Variants in SVEP1 observed in about 807,000 individuals in gnomAD.
SVEP1 encodes sushi, von Willebrand factor type A, EGF and pentraxin domain containing 1, also known as sushi, von Willebrand factor type A, EGF and pentraxin domain-containing protein 1.
Under a neutral mutation model 367.3 loss-of-function variants are expected in SVEP1, and 164 were observed. That is an observed-to-expected ratio of 0.45 (90% CI 0.39 to 0.51). The LOEUF is 0.51. SVEP1 is among the 20% of genes least tolerant of loss of function. The pLI is 0.00. For missense variants in SVEP1, 4,117 were observed against 4,425.3 expected (o/e 0.93, Z 1.98); for synonymous variants, 1,666 against 1,611.6 (o/e 1.03, Z -0.81).
At chr9:110,377,481 G>A in intron 44 of SVEP1, 115 bp from the exon 45 acceptor site, 3 of 913,256 alleles carry the variant, frequency 3.3e-6, no homozygotes, top group Middle Eastern at 2.3e-4. Flanking sequence ...CTTTCAGGAA[G>A]AGAGACAAAA....
At chr9:110,541,395 G>C (rs1371088255) in intron 3 of SVEP1, among the ~76,000 whole-genome samples, 2 of 152,020 alleles carry the variant, frequency 1.3e-5, no homozygotes, top group Non-Finnish European at 2.9e-5. Flanking sequence ...ATACTCATCA[G>C]ATTAAAAGTG....
intron 27 of SVEP1, among the ~76,000 whole-genome samples, chr9:110,440,472 T>C (rs1345802277): frequency 1.3e-5 from 2 of 152,228 alleles, no homozygotes; most frequent in African/African-American, 4.8e-5. Context: ...TACCAGGCAC[T>C]GGACTTAGAC....
intron 40 of SVEP1, among the ~76,000 whole-genome samples, chr9:110,390,188 C>CAAGTATATACATACAT (rs1214591628): frequency 3.1e-4 from 2 of 6,478 alleles, no homozygotes; most frequent in Non-Finnish European, 6.6e-4. Flanking sequence ...TGTATATATA[C>CAAGTATATACATACAT]ACTTATATAA....
At chr9:110,389,403 A>G in intron 41 of SVEP1, 121 bp downstream of exon 41, 1 of 1,165,752 alleles carries the variant, frequency 8.6e-7, no homozygotes, top group Non-Finnish European at 1.2e-6. Flanking sequence ...AGGTTCTCAT[A>G]TGGCTTATGG....
chr9:110,406,108 C>T, intron 38 of SVEP1, 52 bp downstream of exon 38: 1 of 1,502,126 alleles, frequency 6.7e-7, no homozygotes, highest in Non-Finnish European at 8.9e-7. Context: ...GATCACATTT[C>T]ATTTCATAAT....
intron 28 of SVEP1, 135 bp from the exon 29 acceptor site, chr9:110,435,499 A>T: frequency 1.0e-6 from 1 of 959,080 alleles, no homozygotes; most frequent in Non-Finnish European, 1.5e-6. Flanking sequence ...GTATGATTTC[A>T]GGGGCAGCAG....
At chr9:110,483,791 C>T (rs2118709510) in intron 9 of SVEP1, 98 bp from the exon 10 acceptor site, 2 of 778,778 alleles carry the variant, frequency 2.6e-6, no homozygotes, top group South Asian at 6.1e-5. Context: ...TGCTGGCAGA[C>T]AGCCTTGAGC....
At chr9:110,555,187 C>A (rs906787673) in intron 1 of SVEP1, among the ~76,000 whole-genome samples, 2 of 148,240 alleles carry the variant, frequency 1.3e-5, no homozygotes, top group African/African-American at 5.0e-5. Flanking sequence ...ACATTAAAAA[C>A]GTGAGAATTT....
At chr9:110,406,073 T>C (rs1827949448) in intron 38 of SVEP1, 87 bp downstream of exon 38, 2 of 1,486,974 alleles carry the variant, frequency 1.3e-6, no homozygotes, top group Non-Finnish European at 1.8e-6. Context: ...TGATGTTTTC[T>C]TCCCAATCAG....
chr9:110,435,442 T>A (rs982540615), intron 28 of SVEP1, 78 bp from the exon 29 acceptor site: 41 of 1,514,412 alleles, frequency 2.7e-5, no homozygotes, highest in Non-Finnish European at 3.6e-5. Context: ...TTTAGTCCTA[T>A]TGAAAACATT....
chr9:110,445,096 G>A (rs1017736443), intron 26 of SVEP1, among the ~76,000 whole-genome samples: 1 of 152,160 alleles, frequency 6.6e-6, no homozygotes, highest in Non-Finnish European at 1.5e-5. Context: ...CTAACCACAC[G>A]GAAGTTATGA....
intron 30 of SVEP1, 78 bp from the exon 31 acceptor site, chr9:110,432,713 A>G (rs1452964620): frequency 1.0e-5 from 15 of 1,475,566 alleles, no homozygotes; most frequent in Non-Finnish European, 1.4e-5. Flanking sequence ...TTAAACTAGC[A>G]GTTCAGTTAA....
chr9:110,511,748 A>C (rs1203690419), intron 5 of SVEP1, among the ~76,000 whole-genome samples: 2 of 152,030 alleles, frequency 1.3e-5, no homozygotes, highest in Admixed American at 6.6e-5. Context: ...TTGGTACCTA[A>C]TAAATTGGTA....
intron 40 of SVEP1, among the ~76,000 whole-genome samples, chr9:110,391,340 G>A (rs946647339): frequency 2.0e-5 from 3 of 149,872 alleles, no homozygotes; most frequent in African/African-American, 4.9e-5. Context: ...GTGCAATCTC[G>A]GCTCTCTGCA....
At chr9:110,539,394 T>A (rs7030906) in intron 3 of SVEP1, among the ~76,000 whole-genome samples, 109,081 of 152,026 alleles carry the variant, frequency 0.72, 40,001 homozygotes, top group Admixed American at 0.79. Flanking sequence ...CATGTGAAGG[T>A]GCCTGAACTT....
At chr9:110,571,731 G>A (rs971480090) in intron 1 of SVEP1, among the ~76,000 whole-genome samples, 3 of 152,176 alleles carry the variant, frequency 2.0e-5, no homozygotes, top group Non-Finnish European at 4.4e-5. Context: ...CTCAGCCTCT[G>A]CCATTGATTG....
intron 40 of SVEP1, among the ~76,000 whole-genome samples, chr9:110,390,281 A>AAG (rs1554710756): frequency 0.012 from 1,018 of 85,186 alleles, 134 homozygotes; most frequent in South Asian, 0.017. Flanking sequence ...ATACTTATAT[A>AAG]TATACATACT....
intron 43 of SVEP1, among the ~76,000 whole-genome samples, chr9:110,381,550 G>A (rs1440149843): frequency 6.6e-6 from 1 of 152,206 alleles, no homozygotes; most frequent in Non-Finnish European, 1.5e-5. Flanking sequence ...GCTGTGGTCT[G>A]AGAGAATGTT....
At chr9:110,392,475 C>G (rs999045910) in intron 40 of SVEP1, among the ~76,000 whole-genome samples, 1 of 152,110 alleles carries the variant, frequency 6.6e-6, no homozygotes, top group Non-Finnish European at 1.5e-5. Flanking sequence ...GTTCACCCAT[C>G]CAGAGACACA....
Sources: allele counts gnomAD v4.1 joint callset (sites outside exome capture counted in the v4.1 genomes callset), GRCh38; gene constraint gnomAD v4.1.1; transcripts MANE v1.5; gene names NCBI Gene and HGNC (gene_info 2026-07-23, HGNC 2026-07-21).